BRF1: variants seen among roughly 807,000 people sequenced by gnomAD.
BRF1 encodes BRF1 general transcription factor IIIB subunit, also known as transcription factor IIIB 90 kDa subunit.
Under a neutral mutation model 81.7 loss-of-function variants are expected in BRF1, and 59 were observed. The observed-to-expected ratio is 0.72, with a 90% CI of 0.59 to 0.90. The LOEUF (loss-of-function observed/expected upper bound fraction) is 0.90, where lower values mean the gene tolerates loss of function less well. BRF1 is among the 40% of genes least tolerant of loss of function. The probability of loss-of-function intolerance (pLI) is 0.00; values close to 1 mark genes in which losing one functional copy is unlikely to be tolerated. For missense variants in BRF1, 1,050 were observed against 936.3 expected (o/e 1.12, Z -1.58); for synonymous variants, 491 against 395.6 (o/e 1.24, Z -2.86).
intron 14 of BRF1, among the ~76,000 whole-genome samples, chr14:105,218,340 C>T (rs1017690645): frequency 7.9e-5 from 12 of 152,186 alleles, no homozygotes; most frequent in Non-Finnish European, 1.8e-4. Flanking sequence ...GACCTTCCTG[C>T]GTGGCCCAGC....
At chr14:105,219,967 TG>T in intron 12 of BRF1, 101 bp downstream of exon 12, 1 of 1,333,542 alleles carries the variant, frequency 7.5e-7, no homozygotes, top group Non-Finnish European at 1.1e-6. Context: ...GGGTGGGCTC[TG>T]GGCAGGGGAG....
intron 5 of BRF1, among the ~76,000 whole-genome samples, chr14:105,251,379 G>A (rs1247934654): frequency 6.6e-6 from 1 of 152,182 alleles, no homozygotes; most frequent in Non-Finnish European, 1.5e-5. Flanking sequence ...GCATTCTGCT[G>A]GGCCCAGCGT....
At chr14:105,261,227 G>A (rs587662936) in intron 3 of BRF1, among the ~76,000 whole-genome samples, 84 of 152,332 alleles carry the variant, frequency 5.5e-4, no homozygotes, top group Non-Finnish European at 8.8e-4. Flanking sequence ...AAGGAGAGAC[G>A]CGGGAGCACA....
In BRF1 at chr14:105,226,261, C is replaced by G. The variant is rs1893067960; in HGVS notation, c.945G>C (p.Glu315Asp). 5.6e-6 allele frequency: 9 copies of G among 1,614,072 alleles called. No homozygotes were observed. Among genetic ancestry groups the G allele is most frequent in the Non-Finnish European group, 7.6e-6 (9 of 1,180,028 alleles). Residue 315 changes from glutamate (E) to aspartate (D), a missense_variant, in exon 9 of 18, where the codon GAG (glutamate) becomes GAC (aspartate). This residue lies in a region of BRF1 where 1,043 missense variants were observed against 915.4 expected (regional missense o/e 1.14). Coordinates refer to ENST00000547530, the MANE Select transcript of BRF1 (RefSeq NM_001519.4). ...QLEQVLSKKL[E>D]EVEGEISSYQ... ...AGATTGGTTGGTTACCTTCAACCTC[C>G]TCCAGTTTTTTTGACAGGACTTGTT... is the stretch of plus-strand genomic sequence containing the variant.
At position 105,229,555 on chromosome 14, in the gene BRF1, C is replaced by T. The variant is rs138574498; in HGVS notation, c.695-642G>A. On this transcript the variant is annotated intron_variant, in intron 6 of 17. Transcript: ENST00000547530. ...CCAGGCCACGGCCACATCCACCCAC[C>T]AGCACCAAGGGCAAAGTGAGAGTCT... 3.9e-3 allele frequency among the ~76,000 whole-genome samples: 593 copies of T among 152,340 alleles called. 5 individuals are homozygous for T. The highest frequency in any genetic ancestry group is 8.9e-3 in the South Asian group (43 of 4,830).
At chr14:105,255,845 G>A (rs2055839167) in intron 4 of BRF1, among the ~76,000 whole-genome samples, 1 of 152,162 alleles carries the variant, frequency 6.6e-6, no homozygotes. Context: ...GCATGCAAGA[G>A]GCCAGGTATG....
intron 3 of BRF1, among the ~76,000 whole-genome samples, chr14:105,266,716 G>C (rs1205923196): frequency 6.6e-6 from 1 of 152,040 alleles, no homozygotes. Flanking sequence ...CATACAAAAG[G>C]CAGGACAAAC....
rs145143160 is a variant in BRF1 at position 105,244,874 on chromosome 14, G to T, written c.545-3460C>A. ...GTGGGACAGTTATGAAAATGACCAG[G>T]TATGATAGAACAAAGAAACCCTCAA... On this transcript the variant is annotated intron_variant, in intron 5 of 17. Coordinates refer to ENST00000547530, the MANE Select transcript of BRF1 (RefSeq NM_001519.4). Among the ~76,000 whole-genome samples the T allele has an allele frequency of 2.1e-3, 319 of 151,612 alleles. 4 individuals carry two copies. Among genetic ancestry groups the T allele is most frequent in the African/African-American group, 7.3e-3 (301 of 41,276 alleles).
chr14:105,265,870 C>T (rs1321595997), intron 3 of BRF1, among the ~76,000 whole-genome samples: 1 of 143,270 alleles, frequency 7.0e-6, no homozygotes, highest in Admixed American at 7.3e-5. Context: ...CACTGCACTC[C>T]AGCCTGGGCG....
chr14:105,241,201 A>C, intron 6 of BRF1, 64 bp downstream of exon 6: 1 of 1,587,852 alleles, frequency 6.3e-7, no homozygotes, highest in South Asian at 1.1e-5. Flanking sequence ...AGCACTCAGG[A>C]GTCAGGAAAG....
At chr14:105,288,759 G>C (rs929671196) in intron 1 of BRF1, among the ~76,000 whole-genome samples, 1 of 149,700 alleles carries the variant, frequency 6.7e-6, no homozygotes, top group African/African-American at 2.5e-5. Flanking sequence ...TCAGCCTCCC[G>C]AGTAGCTGGG....
chr14:105,248,414 A>G (rs2735818), intron 5 of BRF1: 292,828 of 985,268 alleles, frequency 0.3, 43,862 homozygotes, highest in Middle Eastern at 0.31. Context: ...TTCCACGGCT[A>G]CCTCTGCACA....
intron 15 of BRF1, chr14:105,213,545 G>A (rs1457791062): frequency 6.6e-6 from 1 of 152,298 alleles, no homozygotes; most frequent in Non-Finnish European, 1.5e-5. Context: ...TAGCTAGAGA[G>A]GAGCAGATGC....
intron 1 of BRF1, among the ~76,000 whole-genome samples, chr14:105,299,771 G>A (rs2057905427): frequency 1.3e-5 from 2 of 152,212 alleles, no homozygotes; most frequent in African/African-American, 4.8e-5. Flanking sequence ...GAAGATGTGG[G>A]GCAACTGGTG....
intron 4 of BRF1, among the ~76,000 whole-genome samples, chr14:105,255,094 C>T (rs2055804766): frequency 6.6e-6 from 1 of 152,182 alleles, no homozygotes; most frequent in African/African-American, 2.4e-5. Context: ...TGGGTCTGCC[C>T]TAAGGCAGGG....
intron 5 of BRF1, chr14:105,247,596 C>T: frequency 1.0e-6 from 1 of 985,468 alleles, no homozygotes; most frequent in Non-Finnish European, 1.2e-6. Flanking sequence ...CACAGAGACA[C>T]AGAGCTCCTG....
At chr14:105,306,446 G>C (rs2140656303) in intron 1 of BRF1, among the ~76,000 whole-genome samples, 1 of 152,110 alleles carries the variant, frequency 6.6e-6, no homozygotes, top group South Asian at 2.1e-4. Flanking sequence ...TGGGATTACA[G>C]GTGCATGCCA....
chr14:105,227,107 T>G (rs1893232337), intron 7 of BRF1: 2 of 250,946 alleles, frequency 8.0e-6, no homozygotes, highest in African/African-American at 4.9e-5. Context: ...CAGAGTGAGA[T>G]TTTGTCTCAA....
At chr14:105,279,317 G>C (rs1375956443) in intron 2 of BRF1, among the ~76,000 whole-genome samples, 3 of 152,114 alleles carry the variant, frequency 2.0e-5, no homozygotes, top group Non-Finnish European at 4.4e-5. Flanking sequence ...ATCCAACAAA[G>C]GACTCGAATC....
Sources: allele counts gnomAD v4.1 joint callset (sites outside exome capture counted in the v4.1 genomes callset), GRCh38; gene constraint gnomAD v4.1.1; regional missense constraint gnomAD v4.1.1; transcripts MANE v1.5; gene names NCBI Gene and HGNC (gene_info 2026-07-23, HGNC 2026-07-21).